The following TAFA4 variants were observed in gnomAD, a reference collection of about 807,000 sequenced individuals.
The protein encoded by TAFA4 is chemokine-like protein TAFA-4.
In TAFA4, 20 loss-of-function variants were observed where a neutral mutation model predicts 21.1. The observed-to-expected ratio is 0.95, with a 90% CI of 0.67 to 1.38. The LOEUF (loss-of-function observed/expected upper bound fraction) is 1.38, where lower values mean the gene tolerates loss of function less well. Ranked by LOEUF, TAFA4 falls within the 40% of genes most tolerant of loss-of-function variation. The probability of loss-of-function intolerance (pLI) is 0.00; values close to 1 mark genes in which losing one functional copy is unlikely to be tolerated. For synonymous variants in TAFA4, 71 were observed against 67.4 expected, an observed-to-expected ratio of 1.05 and a Z score of -0.26; for missense variants, 211 against 180.9, an observed-to-expected ratio of 1.17 and a Z score of -0.95.
intron 3 of TAFA4, among the ~76,000 whole-genome samples, chr3:68,834,477 C>A (rs1038569071): frequency 1.3e-5 from 2 of 152,180 alleles, no homozygotes; most frequent in African/African-American, 4.8e-5. Flanking sequence ...AAAATACTAA[C>A]AGCTATTACT....
In TAFA4 at chr3:68,733,729, A is replaced by G. The variant is rs77666850; in HGVS notation, c.412-576T>C. 2.3e-3 allele frequency among the ~76,000 whole-genome samples: 348 copies of G among 152,266 alleles called. 1 individual carries two copies. The highest frequency in any genetic ancestry group is 8.3e-3 in the African/African-American group (344 of 41,550). On this transcript the variant is annotated intron_variant, in intron 5 of 5. Coordinates refer to ENST00000295569, the MANE Select transcript of TAFA4 (RefSeq NM_182522.5). ...ATTTTACGTGTTTGTTAGTCAATAT[A>G]CCAGCACAGGTGGAAAAAAAAGCAT...
chr3:68,821,824 G>A (rs527548078), intron 3 of TAFA4, among the ~76,000 whole-genome samples: 3 of 152,136 alleles, frequency 2.0e-5, no homozygotes, highest in African/African-American at 4.8e-5. Flanking sequence ...AAAGAAAAAT[G>A]AGAAAATATT....
intron 3 of TAFA4, among the ~76,000 whole-genome samples, chr3:68,827,675 A>G (rs1238037028): frequency 6.6e-6 from 1 of 152,138 alleles, no homozygotes; most frequent in African/African-American, 2.4e-5. Context: ...TTGGCTGCAT[A>G]AATGTCTTTT....
In TAFA4 at chr3:68,829,303, G is replaced by A. The variant is rs1044968211; in HGVS notation, c.130+51427C>T. Among the ~76,000 whole-genome samples the A allele has an allele frequency of 2.6e-5, 4 of 152,112 alleles. No individual in the cohort carries two copies. The East Asian group carries it at 5.8e-4, about 22-fold the overall frequency. On this transcript the variant is annotated intron_variant, in intron 3 of 5. Transcript: ENST00000295569. ...GACAAAAAACAAGAAATGGGGAAAG[G>A]ATTCCCTATTTAATAAATGGTGGTG...
At chr3:68,923,560 C>T (rs7638176) in intron 1 of TAFA4, among the ~76,000 whole-genome samples, 1,544 of 152,238 alleles carry the variant, frequency 0.01, 29 homozygotes, top group African/African-American at 0.035. Flanking sequence ...GCATGATTAT[C>T]AATTGACAAA....
At chr3:68,837,832 T>A (rs976075371) in intron 3 of TAFA4, among the ~76,000 whole-genome samples, 3 of 152,130 alleles carry the variant, frequency 2.0e-5, no homozygotes, top group African/African-American at 7.2e-5. Context: ...AATGACTTTT[T>A]TGTTTTGGTT....
At chr3:68,775,741 G>T (rs1377128828) in intron 3 of TAFA4, among the ~76,000 whole-genome samples, 1 of 152,164 alleles carries the variant, frequency 6.6e-6, no homozygotes, top group Non-Finnish European at 1.5e-5. Flanking sequence ...CCCGGGCAAT[G>T]ATAGCAACAA....
chr3:68,789,364 A>C (rs1317536078), intron 3 of TAFA4, among the ~76,000 whole-genome samples: 1 of 152,038 alleles, frequency 6.6e-6, no homozygotes. Context: ...TTATGCCTGT[A>C]TCATACTGTT....
intron 3 of TAFA4, among the ~76,000 whole-genome samples, chr3:68,795,568 C>T (rs575181648): frequency 1.3e-5 from 2 of 152,284 alleles, no homozygotes; most frequent in South Asian, 2.1e-4. Context: ...ATTGCTCTAT[C>T]CTGCTAAACC....
chr3:68,912,636 G>C (rs1446401182), intron 1 of TAFA4, among the ~76,000 whole-genome samples: 1 of 152,122 alleles, frequency 6.6e-6, no homozygotes, highest in Non-Finnish European at 1.5e-5. Context: ...AATTAATAAC[G>C]GGCTTAGCTG....
intron 3 of TAFA4, among the ~76,000 whole-genome samples, chr3:68,813,545 C>CAAA (rs1703889185): frequency 1.3e-5 from 2 of 152,182 alleles, no homozygotes; most frequent in African/African-American, 4.8e-5. Flanking sequence ...CACCTCTATG[C>CAAA]AAATAAACTA....
At chr3:68,860,608 G>A (rs1406924342) in intron 3 of TAFA4, among the ~76,000 whole-genome samples, 2 of 152,050 alleles carry the variant, frequency 1.3e-5, no homozygotes, top group Non-Finnish European at 2.9e-5. Context: ...AACAAATAAT[G>A]CTTTTGTAAA....
intron 3 of TAFA4, among the ~76,000 whole-genome samples, chr3:68,829,929 T>C (rs1704342563): frequency 6.6e-6 from 1 of 152,204 alleles, no homozygotes; most frequent in South Asian, 2.1e-4. Context: ...GGTGTATGTG[T>C]CGAGGAATTT....
chr3:68,930,639 C>T (rs552054423), intron 1 of TAFA4, among the ~76,000 whole-genome samples: 1 of 152,178 alleles, frequency 6.6e-6, no homozygotes, highest in Non-Finnish European at 1.5e-5. Context: ...CACAAATGAG[C>T]CATGCCAACT....
At chr3:68,914,673 T>TA (rs1321762606) in intron 1 of TAFA4, among the ~76,000 whole-genome samples, 1 of 152,030 alleles carries the variant, frequency 6.6e-6, no homozygotes, top group South Asian at 2.1e-4. Flanking sequence ...AATAATGTAG[T>TA]AAAAAAACCA....
chr3:68,870,395 A>G (rs2089468688), intron 3 of TAFA4, among the ~76,000 whole-genome samples: 2 of 152,086 alleles, frequency 1.3e-5, no homozygotes, highest in South Asian at 2.1e-4. Flanking sequence ...AACCAAAACA[A>G]TCCGAACTGG....
intron 3 of TAFA4, among the ~76,000 whole-genome samples, chr3:68,799,840 A>C (rs946997199): frequency 2.6e-5 from 4 of 152,146 alleles, no homozygotes; most frequent in Non-Finnish European, 5.9e-5. Flanking sequence ...GTGGCCAGTG[A>C]GTTAGCAAAG....
At chr3:68,877,683 G>A (rs932452015) in intron 3 of TAFA4, among the ~76,000 whole-genome samples, 7 of 152,044 alleles carry the variant, frequency 4.6e-5, no homozygotes, top group African/African-American at 9.7e-5. Context: ...AACTTTCTTC[G>A]CCACAGTCAG....
At chr3:68,815,135 C>G (rs551812811) in intron 3 of TAFA4, among the ~76,000 whole-genome samples, 91 of 152,286 alleles carry the variant, frequency 6.0e-4, no homozygotes, top group African/African-American at 2.1e-3. Flanking sequence ...AACTGGATCC[C>G]TTCCTTACAT....
Sources: allele counts gnomAD v4.1 joint callset (sites outside exome capture counted in the v4.1 genomes callset), GRCh38; gene constraint gnomAD v4.1.1; transcripts MANE v1.5; gene names NCBI Gene and HGNC (gene_info 2026-07-23, HGNC 2026-07-21).